The following SDK1 variants were observed in gnomAD, a reference collection of about 807,000 sequenced individuals.
SDK1 encodes sidekick cell adhesion molecule 1.
Under a neutral mutation model 245.5 loss-of-function variants are expected in SDK1, and 157 were observed. The ratio of observed to expected loss-of-function variants is 0.64; its 90% CI spans 0.56 to 0.73. The LOEUF is 0.73. Ranked by LOEUF, SDK1 falls within the 30% of genes least tolerant of loss-of-function variation. The pLI is 0.00. For missense variants in SDK1, 3,583 were observed against 3,002.3 expected (o/e 1.19, Z -4.52); for synonymous variants, 1,647 against 1,278.5 (o/e 1.29, Z -6.15).
chr7:3,663,229 T>C (rs1050040546), intron 4 of SDK1, among the ~76,000 whole-genome samples: 68 of 152,226 alleles, frequency 4.5e-4, no homozygotes, highest in African/African-American at 1.6e-3. Context: ...TACTTACTTT[T>C]AGAGTAAGAT....
chr7:3,332,098 A>T (rs890044759), intron 1 of SDK1, among the ~76,000 whole-genome samples: 1 of 152,128 alleles, frequency 6.6e-6, no homozygotes, highest in Non-Finnish European at 1.5e-5. Flanking sequence ...TCAAACTATT[A>T]TTTTCTTAAA....
chr7:3,744,480 T>C (rs1020307599), intron 4 of SDK1, among the ~76,000 whole-genome samples: 13 of 151,858 alleles, frequency 8.6e-5, no homozygotes, highest in African/African-American at 3.1e-4. Context: ...AGGAATATCA[T>C]CAATGAAAAA....
chr7:3,565,857 G>A (rs530155613), intron 1 of SDK1, among the ~76,000 whole-genome samples: 8 of 152,210 alleles, frequency 5.3e-5, no homozygotes, highest in South Asian at 2.1e-4. Flanking sequence ...AATTTTTTCC[G>A]AATATTTTCC....
In SDK1 at chr7:4,220,257, C is replaced by G; in HGVS notation, c.5688C>G (p.Ala1896=). ...CCGAGCTCCAAGCCAATATCACAGC[C>G]GGGCCAGCCGAGGGTAAGTGGAACT... ...YGPELQANIT[A]GPAEGSPGSP... Residue 1896 remains alanine (A), a synonymous_variant, in exon 39 of 45, where the codon GCC becomes GCG. Transcript: ENST00000404826. 6.2e-7 allele frequency: 1 copy of G among 1,613,484 alleles called. No homozygotes were observed.
chr7:4,233,342 T>C lies in SDK1; in HGVS notation c.5915T>C (p.Val1972Ala). 6.2e-7 allele frequency: 1 copy of C among 1,613,830 alleles called. No individual in the cohort carries two copies. The highest frequency in any genetic ancestry group is 8.5e-7 in the Non-Finnish European group (1 of 1,180,008). Residue 1972 changes from valine to alanine, a missense_variant, in exon 41 of 45, where the codon GTG becomes GCG. By Grantham distance (64) the Val-to-Ala change is moderately conservative. Coordinates refer to ENST00000404826, the MANE Select transcript of SDK1 (RefSeq NM_152744.4). Reference protein sequence around the residue: ...TLSLDKLRQGVTYEFRVVAVN... With the variant: ...TLSLDKLRQGATYEFRVVAVN... ...AGCCTGGATAAGCTCCGGCAAGGAG[T>C]GACTTACGAGTTCCGGGTGGTGGCT...
chr7:3,958,018 AT>A (rs1338914780), intron 7 of SDK1: 1 of 470,518 alleles, frequency 2.1e-6, no homozygotes, highest in Non-Finnish European at 4.4e-6. Context: ...CTTAGTTTTC[AT>A]TTCTCTTTTT....
intron 17 of SDK1, among the ~76,000 whole-genome samples, chr7:4,023,538 TTAAA>T (rs1466014626): frequency 2.0e-5 from 3 of 152,130 alleles, no homozygotes; most frequent in South Asian, 2.1e-4. Context: ...AATTTTAAAT[TTAAA>T]TAACCGAAAT....
chr7:3,829,121 T>A (rs886388436), intron 5 of SDK1, among the ~76,000 whole-genome samples: 1 of 152,216 alleles, frequency 6.6e-6, no homozygotes, highest in Admixed American at 6.5e-5. Context: ...CTGCGGTAGT[T>A]TTATTAAAAT....
At chr7:3,447,728 G>C (rs1406507612) in intron 1 of SDK1, among the ~76,000 whole-genome samples, 1 of 129,320 alleles carries the variant, frequency 7.7e-6, no homozygotes, top group Non-Finnish European at 1.6e-5. Flanking sequence ...TTTTGAGATA[G>C]AGTTTCACTC....
intron 4 of SDK1, among the ~76,000 whole-genome samples, chr7:3,672,999 A>G (rs1343629264): frequency 1.3e-5 from 2 of 151,118 alleles, no homozygotes; most frequent in Non-Finnish European, 2.9e-5. Flanking sequence ...TTTTTTTTAA[A>G]TAAGCATCTT....
chr7:4,154,493 G>C (rs1780595309), intron 30 of SDK1, among the ~76,000 whole-genome samples: 1 of 152,098 alleles, frequency 6.6e-6, no homozygotes, highest in Admixed American at 6.5e-5. Context: ...AAAGGCCCGG[G>C]GAGTCACCAG....
At chr7:3,495,582 C>T (rs1165909649) in intron 1 of SDK1, among the ~76,000 whole-genome samples, 2 of 152,142 alleles carry the variant, frequency 1.3e-5, no homozygotes, top group East Asian at 3.9e-4. Flanking sequence ...CTGATGCTGT[C>T]CCTGTGTTCA....
At chr7:4,148,391 G>A (rs1025263222) in intron 29 of SDK1, among the ~76,000 whole-genome samples, 27 of 152,214 alleles carry the variant, frequency 1.8e-4, no homozygotes, top group African/African-American at 2.4e-4. Context: ...GCACAGCGGC[G>A]GCAGATGATG....
intron 1 of SDK1, among the ~76,000 whole-genome samples, chr7:3,377,008 G>C (rs1369479520): frequency 6.6e-6 from 1 of 151,898 alleles, no homozygotes; most frequent in Non-Finnish European, 1.5e-5. Context: ...CTTCCTTGTT[G>C]CCAACTCTCT....
chr7:3,722,014 C>G (rs1778825936), intron 4 of SDK1, among the ~76,000 whole-genome samples: 1 of 152,136 alleles, frequency 6.6e-6, no homozygotes, highest in African/African-American at 2.4e-5. Flanking sequence ...TCATGCCTCA[C>G]TGCAGCCTTG....
chr7:3,773,213 T>A lies in SDK1; in HGVS notation c.714-48237T>A, dbSNP rs28833830. 4.9e-3 allele frequency among the ~76,000 whole-genome samples: 744 copies of A among 152,304 alleles called. 6 individuals carry two copies. Among genetic ancestry groups the A allele is most frequent in the African/African-American group, 0.017 (721 of 41,570 alleles). On this transcript the variant is annotated intron_variant, in intron 4 of 44. Transcript: ENST00000404826. ...CTTTATTGTGTCCCTCAAGTCCCTT[T>A]TGCTCTGTTCACTTTTCTTCAATCT...
At chr7:3,399,843 C>A (rs1778839523) in intron 1 of SDK1, among the ~76,000 whole-genome samples, 1 of 152,118 alleles carries the variant, frequency 6.6e-6, no homozygotes. Flanking sequence ...CTGTGGACAT[C>A]TCATTTCACA....
At chr7:3,579,579 C>T (rs1206767033) in intron 1 of SDK1, among the ~76,000 whole-genome samples, 1 of 152,134 alleles carries the variant, frequency 6.6e-6, no homozygotes, top group Non-Finnish European at 1.5e-5. Context: ...ATTGAATGGG[C>T]AAAAGCTGGA....
chr7:4,206,260 C>A lies in SDK1; in HGVS notation c.5214+266C>A, dbSNP rs6462651. Among the ~76,000 whole-genome samples, 1,515 of 152,374 alleles carry A rather than the reference C, an allele frequency of 9.9e-3. 27 individuals are homozygous for A. Among genetic ancestry groups the A allele is most frequent in the African/African-American group, 0.035 (1,452 of 41,594 alleles). ...CAGGTTGGGGGCCCTTGTTTGTCCA[C>A]TGGCTTCTCCCCACTCTGGACGCAT... On this transcript the variant is annotated intron_variant, in intron 36 of 44. Coordinates refer to ENST00000404826, the MANE Select transcript of SDK1 (RefSeq NM_152744.4).
Sources: allele counts gnomAD v4.1 joint callset (sites outside exome capture counted in the v4.1 genomes callset), GRCh38; gene constraint gnomAD v4.1.1; transcripts MANE v1.5; gene names NCBI Gene and HGNC (gene_info 2026-07-23, HGNC 2026-07-21).